C1QTNF1: variants seen among roughly 807,000 people sequenced by gnomAD.
C1QTNF1 encodes complement C1q tumor necrosis factor-related protein 1.
C1QTNF1 carries 22 observed loss-of-function variants against 27.8 expected under a neutral mutation model. The observed-to-expected ratio is 0.79, with a 90% CI of 0.56 to 1.13. The LOEUF is 1.13. Ranked by LOEUF, C1QTNF1 falls within the 50% of genes most tolerant of loss-of-function variation. The pLI, the probability that C1QTNF1 is intolerant of heterozygous loss-of-function variation, is 0.00. For synonymous variants in C1QTNF1, 166 were observed against 154.3 expected (o/e 1.08, Z -0.56); for missense variants, 373 against 380.2 (o/e 0.98, Z 0.16).
rs551386060 is a variant in C1QTNF1 at position 79,036,495 on chromosome 17, G to A, written c.-14-7460G>A. On this transcript the variant is annotated intron_variant, in intron 1 of 3. Transcript: ENST00000579760. ...CAGCCTACATGTATTAATAGTTATT[G>A]AATGCTTGAAATGCGGCTAGTGTAG... Among the ~76,000 whole-genome samples, 28 of 152,292 alleles carry A rather than the reference G, an allele frequency of 1.8e-4. 2 individuals are homozygous for A. Among genetic ancestry groups the A allele is most frequent in the Admixed American group, 6.5e-4 (10 of 15,292 alleles).
chr17:79,041,185 C>T (rs181635721), intron 1 of C1QTNF1, among the ~76,000 whole-genome samples: 14 of 152,242 alleles, frequency 9.2e-5, no homozygotes, highest in Admixed American at 9.2e-4. Context: ...CTAAGCAGCT[C>T]CTTGGTCATT....
At position 79,049,189 on chromosome 17, in the gene C1QTNF1, T is replaced by G. The variant is rs892242499; in HGVS notation, c.*1101T>G. ...TGCCCTCATCCAGGCCTCTGACCAG[T>G]AGCCTGAGAGGGGCTTTTTCTAGGC... On this transcript the variant is annotated 3_prime_UTR_variant, in exon 4 of 4. Coordinates refer to ENST00000579760, the MANE Select transcript of C1QTNF1 (RefSeq NM_030968.5). The surrounding 1 kb of genome is among the most constrained non-coding windows in gnomAD (Gnocchi z 4.4). 6.6e-6 allele frequency: 1 copy of G among 152,312 alleles called. No individual in the cohort carries two copies. Among genetic ancestry groups the G allele is most frequent in the Non-Finnish European group, 1.5e-5 (1 of 68,144 alleles). The allele number at this position is 152,312 out of a possible 1,614,324, so 9.4% of individuals were successfully genotyped here. A position where few individuals can be genotyped will look rare whatever the true frequency, so the allele number is the denominator to read the frequency against.
At position 79,029,927 on chromosome 17, in the gene C1QTNF1, T is replaced by C. The variant is rs80139868; in HGVS notation, c.-15+5433T>C. Among the ~76,000 whole-genome samples the C allele has an allele frequency of 8.8e-3, 1,333 of 152,310 alleles. 47 individuals are homozygous for C. In the East Asian group the frequency reaches 0.12, roughly 14 times the overall value. The stretch of plus-strand genomic sequence containing the variant: ...TCGTCCCAAGAATCCAGCTCCCTGC[T>C]GGGTAGGTAGTAGACACTCAATAAA... On this transcript the variant is annotated intron_variant, in intron 1 of 3. Transcript: ENST00000579760.
At chr17:79,028,243 C>T (rs575845533) in intron 1 of C1QTNF1, among the ~76,000 whole-genome samples, 94 of 152,318 alleles carry the variant, frequency 6.2e-4, no homozygotes, top group African/African-American at 2.1e-3. Flanking sequence ...TTCTTGGCCA[C>T]GGCTAAAGCC....
intron 1 of C1QTNF1, 185 bp from the exon 2 acceptor site, chr17:79,043,770 G>T: frequency 1.4e-6 from 1 of 707,458 alleles, no homozygotes; most frequent in Non-Finnish European, 2.5e-6. Flanking sequence ...GTGCGTGTAT[G>T]CATGCATGGG....
intron 1 of C1QTNF1, among the ~76,000 whole-genome samples, chr17:79,032,461 G>T (rs1179280807): frequency 6.6e-6 from 1 of 152,186 alleles, no homozygotes; most frequent in Non-Finnish European, 1.5e-5. Context: ...AGCCCTTGGA[G>T]CCAGGGGTGG....
chr17:79,030,485 T>TTTC (rs2072102927), intron 1 of C1QTNF1, among the ~76,000 whole-genome samples: 6 of 121,804 alleles, frequency 4.9e-5, no homozygotes, highest in African/African-American at 2.2e-4. Context: ...CTTTCTTTCT[T>TTTC]TTTCTTTCTT....
At chr17:79,031,893 G>C (rs2072148333) in intron 1 of C1QTNF1, among the ~76,000 whole-genome samples, 1 of 152,224 alleles carries the variant, frequency 6.6e-6, no homozygotes. Flanking sequence ...GGCCACACCA[G>C]GAGTCAGCAC....
At chr17:79,025,857 C>A in intron 1 of C1QTNF1, 1 of 417,412 alleles carries the variant, frequency 2.4e-6, no homozygotes, top group Non-Finnish European at 4.9e-6. Context: ...TAGAGTCCAC[C>A]CAACAACAAC....
chr17:79,036,421 C>T (rs1454268806), intron 1 of C1QTNF1, among the ~76,000 whole-genome samples: 1 of 152,200 alleles, frequency 6.6e-6, no homozygotes, highest in African/African-American at 2.4e-5. Flanking sequence ...GCGATCCTCC[C>T]ACCTTGGCCT....
At position 79,046,940 on chromosome 17, in the gene C1QTNF1, C is replaced by T; in HGVS notation, c.295+246C>T. 1.8e-6 allele frequency: 1 copy of T among 548,912 alleles called. No homozygotes were observed. The highest frequency in any genetic ancestry group is 3.2e-6 in the Non-Finnish European group (1 of 312,562). 34.0% of individuals were successfully genotyped at this position (548,912 alleles called of 1,614,324 possible). ...AGGACCAAGAGCAGGAGAGGGAGCC[C>T]AGAGGCTACTCGGGGTCTCGTCCCT... On this transcript the variant is annotated intron_variant, in intron 3 of 3. Coordinates refer to ENST00000579760, the MANE Select transcript of C1QTNF1 (RefSeq NM_030968.5). This position sits in a 1 kb window ranked among gnomAD's most constrained non-coding sequence, Gnocchi z 4.8.
Position 79,030,459 on chromosome 17 carries a change from TTTTC to T in C1QTNF1, c.-15+5989_-15+5992del, listed in dbSNP as rs1218710269. Among the ~76,000 whole-genome samples, 1,036 of 135,320 alleles carry T rather than the reference TTTTC, an allele frequency of 7.7e-3. 15 individuals carry two copies. The highest frequency in any genetic ancestry group is 0.027 in the Middle Eastern group (7 of 264). The allele number at this position is 135,320 out of a possible 152,430, so 88.8% of individuals were successfully genotyped here. ...TTTCTCTCTCTTTCTTCTTTCTTTC[TTTTC>T]TTTCTTTCTTTCTTTCTTTCTTTTT... On this transcript the variant is annotated intron_variant, in intron 1 of 3. Transcript: ENST00000579760.
At chr17:79,044,864 A>G (rs370429681) in intron 2 of C1QTNF1, among the ~76,000 whole-genome samples, 2 of 152,118 alleles carry the variant, frequency 1.3e-5, no homozygotes, top group South Asian at 4.1e-4. Context: ...TCAGTGTACG[A>G]TGGGATTGGA....
intron 1 of C1QTNF1, among the ~76,000 whole-genome samples, chr17:79,029,251 T>A (rs992644123): frequency 5.3e-5 from 8 of 152,094 alleles, no homozygotes; most frequent in African/African-American, 1.9e-4. Flanking sequence ...GCACCATGGC[T>A]TGGGAGGAGG....
At chr17:79,028,394 A>T (rs994976360) in intron 1 of C1QTNF1, among the ~76,000 whole-genome samples, 9 of 152,194 alleles carry the variant, frequency 5.9e-5, no homozygotes, top group African/African-American at 2.2e-4. Context: ...GGTTCGAGGC[A>T]GATGTAGGTC....
chr17:79,033,068 C>G (rs1345610881), intron 1 of C1QTNF1, among the ~76,000 whole-genome samples: 2 of 79,332 alleles, frequency 2.5e-5, no homozygotes, highest in Admixed American at 2.7e-4. Flanking sequence ...AACTCTGTCT[C>G]AAAAAAAAAA....
chr17:79,026,299 T>G (rs2071958558), intron 1 of C1QTNF1, among the ~76,000 whole-genome samples: 1 of 151,964 alleles, frequency 6.6e-6, no homozygotes. Flanking sequence ...GGATTAGAGG[T>G]GTGTACCACC....
At chr17:79,038,279 C>T (rs1423371550) in intron 1 of C1QTNF1, among the ~76,000 whole-genome samples, 3 of 152,182 alleles carry the variant, frequency 2.0e-5, no homozygotes, top group Admixed American at 6.5e-5. Flanking sequence ...CGTGAGCCAC[C>T]GCGCCCGGCC....
At chr17:79,025,207 C>A (rs2071907518) in intron 1 of C1QTNF1, among the ~76,000 whole-genome samples, 1 of 152,206 alleles carries the variant, frequency 6.6e-6, no homozygotes, top group African/African-American at 2.4e-5. Flanking sequence ...GGACCCACCG[C>A]CCACCACCCA....
Sources: gnomAD v4.1 joint callset for allele counts (sites outside exome capture counted in the v4.1 genomes callset) on GRCh38, gnomAD v4.1.1 for gene constraint, Gnocchi (gnomAD v3.1) non-coding constraint, MANE v1.5 for transcripts, NCBI Gene and HGNC (gene_info 2026-07-23, HGNC 2026-07-21) for gene names.